Variants in PTPN13 observed in about 807,000 individuals in gnomAD.
PTPN13 encodes the protein protein tyrosine phosphatase non-receptor type 13, also known as tyrosine-protein phosphatase non-receptor type 13.
A neutral mutation model predicts 284.0 loss-of-function variants in PTPN13; 191 were observed. That is an observed-to-expected ratio of 0.67 (90% CI 0.60 to 0.76). The LOEUF is 0.76. Ranked by LOEUF, PTPN13 falls within the 30% of genes least tolerant of loss-of-function variation. PTPN13 has a pLI of 0.00. For synonymous variants in PTPN13, 986 were observed against 1,022.3 expected (o/e 0.96, Z 0.68); for missense variants, 2,797 against 2,939.9 (o/e 0.95, Z 1.12).
intron 3 of PTPN13, among the ~76,000 whole-genome samples, chr4:86,684,908 C>T (rs1729277092): frequency 1.3e-5 from 2 of 152,158 alleles, no homozygotes; most frequent in Admixed American, 1.3e-4. Flanking sequence ...TGAGATCTTG[C>T]TTTTTGTGTC....
intron 3 of PTPN13, among the ~76,000 whole-genome samples, chr4:86,681,694 A>G (rs1192193444): frequency 1.3e-5 from 2 of 152,178 alleles, no homozygotes; most frequent in Admixed American, 6.5e-5. Flanking sequence ...TTGGGAGACC[A>G]AGGCAGGCAG....
chr4:86,632,228 C>T (rs561218884), intron 1 of PTPN13, among the ~76,000 whole-genome samples: 1 of 152,270 alleles, frequency 6.6e-6, no homozygotes, highest in South Asian at 2.1e-4. Context: ...AAACTTTTCC[C>T]TTCCCTAGCT....
intron 1 of PTPN13, among the ~76,000 whole-genome samples, chr4:86,618,358 C>G (rs377132119): frequency 2.0e-5 from 3 of 152,052 alleles, no homozygotes; most frequent in Admixed American, 6.5e-5. Flanking sequence ...AGTCAGGTAG[C>G]GTGATGCCTC....
chr4:86,691,356 C>G (rs72872217), intron 5 of PTPN13, among the ~76,000 whole-genome samples: 1 of 151,934 alleles, frequency 6.6e-6, no homozygotes, highest in Non-Finnish European at 1.5e-5. Context: ...GTTTGGGGAA[C>G]AGTATGACAT....
At chr4:86,741,498 G>A (rs1736165243) in intron 15 of PTPN13, 136 bp from the exon 16 acceptor site, 3 of 700,120 alleles carry the variant, frequency 4.3e-6, no homozygotes, top group Non-Finnish European at 4.7e-6. Context: ...ACCTCTCAGT[G>A]GGTCTCTCCC....
intron 2 of PTPN13, among the ~76,000 whole-genome samples, chr4:86,655,512 G>A (rs1422032523): frequency 6.6e-6 from 1 of 152,074 alleles, no homozygotes; most frequent in Non-Finnish European, 1.5e-5. Flanking sequence ...GCTTAGTTTG[G>A]CTGGATATGA....
chr4:86,791,516 G>A (rs897277371), intron 40 of PTPN13, among the ~76,000 whole-genome samples: 6 of 152,194 alleles, frequency 3.9e-5, no homozygotes, highest in Admixed American at 1.3e-4. Flanking sequence ...CCAGCATGGC[G>A]TTCGAACTCT....
At chr4:86,737,660 T>C (rs1735679174) in intron 15 of PTPN13, among the ~76,000 whole-genome samples, 2 of 152,146 alleles carry the variant, frequency 1.3e-5, no homozygotes, top group African/African-American at 4.8e-5. Context: ...GTGTTTTTTT[T>C]TTTCTAAAAT....
intron 2 of PTPN13, among the ~76,000 whole-genome samples, chr4:86,653,495 C>CTT (rs561218570): frequency 0.014 from 1,929 of 141,060 alleles, 11 homozygotes; most frequent in African/African-American, 0.017. Context: ...CGCCTCAACT[C>CTT]TTTTTTTTTT....
intron 7 of PTPN13, among the ~76,000 whole-genome samples, chr4:86,704,011 GA>G (rs528886753): frequency 3.4e-5 from 5 of 148,258 alleles, no homozygotes; most frequent in African/African-American, 9.9e-5. Flanking sequence ...CGTCTTTACT[GA>G]AAAAAAAATA....
chr4:86,637,924 G>C (rs1578306676), intron 2 of PTPN13, among the ~76,000 whole-genome samples: 1 of 151,600 alleles, frequency 6.6e-6, no homozygotes, highest in Non-Finnish European at 1.5e-5. Context: ...TGTATATCTA[G>C]AAAACCCCAT....
In PTPN13 at chr4:86,796,891, C is replaced by T. The variant is rs1165719544; in HGVS notation, c.6363C>T (p.Gly2121=). 1 of 1,488,696 alleles carries T rather than the reference C, an allele frequency of 6.7e-7. No individual in the cohort carries two copies. 92.2% of individuals were successfully genotyped at this position (1,488,696 alleles called of 1,614,324 possible). The part of the protein sequence containing the change: ...EYFTEATKMN[G]CEEYCEEKVK... Reference sequence around the variant, plus strand: ...TATTGTAGGCCACCAAAATGAATGGCTGTGAAGAATATTGTGAAGAAAAAG... The same window carrying T: ...TATTGTAGGCCACCAAAATGAATGGTTGTGAAGAATATTGTGAAGAAAAAG... The change falls in exon 41 of 48, where the codon GGC becomes GGT. Residue 2121 remains glycine, a synonymous_variant. Coordinates refer to ENST00000411767, the MANE Select transcript of PTPN13 (RefSeq NM_080683.3).
chr4:86,661,031 G>T (rs1726427980), intron 2 of PTPN13: 1 of 423,358 alleles, frequency 2.4e-6, no homozygotes, highest in Admixed American at 2.8e-5. Flanking sequence ...ATTGCAAACA[G>T]CATTATTCTT....
intron 2 of PTPN13, among the ~76,000 whole-genome samples, chr4:86,661,568 CAG>C (rs1726490122): frequency 6.6e-6 from 1 of 152,062 alleles, no homozygotes; most frequent in East Asian, 1.9e-4. Context: ...AGTGGCAAGG[CAG>C]AGAGGGGTGA....
intron 40 of PTPN13, among the ~76,000 whole-genome samples, chr4:86,796,297 CT>C (rs1423259235): frequency 6.6e-6 from 1 of 151,894 alleles, no homozygotes; most frequent in Non-Finnish European, 1.5e-5. Context: ...ACACTTTCAT[CT>C]TTTTCATCTT....
intron 2 of PTPN13, among the ~76,000 whole-genome samples, chr4:86,669,310 T>TAC (rs1727469755): frequency 6.8e-6 from 1 of 146,078 alleles, no homozygotes; most frequent in South Asian, 2.1e-4. Flanking sequence ...TATATATATA[T>TAC]ATATATAGTG....
Position 86,672,516 on chromosome 4 carries a change from A to T in PTPN13, c.267A>T (p.Ser89=). Residue 89 remains serine, a synonymous_variant, in exon 3 of 48, where the codon TCA becomes TCT. Transcript: ENST00000411767. ...CACCAGAGGTTCTTCAAAATCAGTCACTAACTTCTCTCTCAGATGTTGAAA... is the reference window on the plus strand; with the variant it reads ...CACCAGAGGTTCTTCAAAATCAGTCTCTAACTTCTCTCTCAGATGTTGAAA... The part of the protein sequence containing the change: ...FTAPEVLQNQ[S]LTSLSDVEKI... 7 of 1,606,506 alleles carry T rather than the reference A, an allele frequency of 4.4e-6. No individual in the cohort carries two copies. The South Asian group carries it at 6.7e-5, about 15-fold the overall frequency.
chr4:86,814,887 G>A lies in PTPN13; in HGVS notation c.*336G>A, dbSNP rs1418309605. ...CACCAATCTTGTTTATAGCAAAAATGTTTTCCAATATTTTAATAAAGTAGT... is the reference window on the plus strand; with the variant it reads ...CACCAATCTTGTTTATAGCAAAAATATTTTCCAATATTTTAATAAAGTAGT... On this transcript the variant is annotated 3_prime_UTR_variant, in exon 48 of 48. Coordinates refer to ENST00000411767, the MANE Select transcript of PTPN13 (RefSeq NM_080683.3). 2.2e-5 allele frequency: 4 copies of A among 181,192 alleles called. No homozygotes were observed. Among genetic ancestry groups the A allele is most frequent in the Non-Finnish European group, 4.6e-5 (4 of 87,232 alleles). 11.2% of individuals were successfully genotyped at this position (181,192 alleles called of 1,614,324 possible).
chr4:86,598,888 C>T (rs563649982), intron 1 of PTPN13, among the ~76,000 whole-genome samples: 1 of 152,242 alleles, frequency 6.6e-6, no homozygotes, highest in East Asian at 1.9e-4. Flanking sequence ...CCTCAGCATC[C>T]TGAATAACTG....
Sources: allele counts gnomAD v4.1 joint callset (sites outside exome capture counted in the v4.1 genomes callset), GRCh38; gene constraint gnomAD v4.1.1; transcripts MANE v1.5; gene names NCBI Gene and HGNC (gene_info 2026-07-23, HGNC 2026-07-21).